Variants in SCAPER observed in about 807,000 individuals in gnomAD.
SCAPER encodes the protein S phase cyclin A-associated protein in the endoplasmic reticulum.
SCAPER carries 98 observed loss-of-function variants against 182.2 expected under a neutral mutation model. The observed-to-expected ratio is 0.54, with a 90% confidence interval of 0.46 to 0.64. The LOEUF is 0.64. SCAPER is among the 30% of genes least tolerant of loss of function. SCAPER has a pLI of 0.00. For missense variants in SCAPER, 1,432 were observed against 1,690.0 expected (o/e 0.85, Z 2.68); for synonymous variants, 605 against 564.6 (o/e 1.07, Z -1.01).
chr15:76,500,840 G>C (rs1438440227), intron 24 of SCAPER, among the ~76,000 whole-genome samples: 4 of 151,936 alleles, frequency 2.6e-5, no homozygotes, highest in African/African-American at 9.7e-5. Context: ...AGGAGTTTGA[G>C]ACCATCCTGG....
At chr15:76,357,599 A>G (rs867655676) in intron 29 of SCAPER, among the ~76,000 whole-genome samples, 2 of 152,238 alleles carry the variant, frequency 1.3e-5, no homozygotes, top group East Asian at 3.8e-4. Context: ...TACCCAAAGG[A>G]AAATAAATCA....
chr15:76,799,955 A>C (rs1282752621), intron 7 of SCAPER, among the ~76,000 whole-genome samples: 2 of 151,662 alleles, frequency 1.3e-5, no homozygotes, highest in Non-Finnish European at 2.9e-5. Context: ...TGCTTTACCT[A>C]ACTTGTGCAA....
chr15:76,546,764 C>T (rs897363585), intron 23 of SCAPER, among the ~76,000 whole-genome samples: 7 of 152,058 alleles, frequency 4.6e-5, no homozygotes, highest in Non-Finnish European at 1.0e-4. Context: ...ACTTCTAGAA[C>T]TTAAGTTTTA....
chr15:76,573,033 A>G (rs1009262777), intron 23 of SCAPER, among the ~76,000 whole-genome samples: 1 of 152,230 alleles, frequency 6.6e-6, no homozygotes, highest in Non-Finnish European at 1.5e-5. Flanking sequence ...AGTGACAAAC[A>G]GCTATATTTA....
chr15:76,638,415 G>A (rs2053825383), intron 21 of SCAPER, among the ~76,000 whole-genome samples: 1 of 152,108 alleles, frequency 6.6e-6, no homozygotes, highest in Admixed American at 6.5e-5. Context: ...AGACATGGCA[G>A]TGGCAGACAC....
Position 76,471,225 on chromosome 15 carries a change from A to G in SCAPER, c.3065T>C (p.Ile1022Thr), listed in dbSNP as rs780523439. 1.1e-5 allele frequency: 17 copies of G among 1,610,110 alleles called. No homozygotes were observed. The Admixed American group carries it at 2.9e-4, about 27-fold the overall frequency. ...AATATTACATACCGTCAACTGGTGT[A>G]TCAGGAGGTCCATTAAGAAGGTAAT... is the stretch of plus-strand genomic sequence containing the variant. Reference protein sequence around the residue: ...NKITFLMDLLIHQLTVYVPDE... With the variant: ...NKITFLMDLLTHQLTVYVPDE... Residue 1022 changes from isoleucine to threonine, a missense_variant, in exon 25 of 32, where the codon ATA (isoleucine) becomes ACA (threonine). By Grantham distance (89) the Ile-to-Thr change is moderately conservative (BLOSUM62 -1). Transcript: ENST00000563290.
At chr15:76,714,534 G>GGTA (rs35883569) in intron 17 of SCAPER, among the ~76,000 whole-genome samples, 2,844 of 149,468 alleles carry the variant, frequency 0.019, 22 homozygotes, top group African/African-American at 0.028. Flanking sequence ...TAGTAGTAGT[G>GGTA]GTAGTAGTAG....
At chr15:76,556,773 G>GA (rs2046229367) in intron 23 of SCAPER, among the ~76,000 whole-genome samples, 2 of 151,914 alleles carry the variant, frequency 1.3e-5, no homozygotes, top group Non-Finnish European at 2.9e-5. Context: ...TCAGGCATGA[G>GA]AAAAAAATAA....
At chr15:76,904,817 T>G (rs1325752711) in intron 1 of SCAPER, 2 of 152,272 alleles carry the variant, frequency 1.3e-5, no homozygotes, top group Non-Finnish European at 2.9e-5. Context: ...AGGGAAAGCA[T>G]GGTAAACCCC....
rs573731222 is a variant in SCAPER at position 76,600,537 on chromosome 15, C to T, written c.2711+21227G>A. On this transcript the variant is annotated intron_variant, in intron 22 of 31. Transcript: ENST00000563290. ...CCATCTCTACCCACTGCAACCTCCG[C>T]CTCCCAGGTTCAAGCAATTATCCTG... Among the ~76,000 whole-genome samples, 131 of 114,708 alleles carry T rather than the reference C, an allele frequency of 1.1e-3. 15 individuals carry two copies. Among genetic ancestry groups the T allele is most frequent in the Middle Eastern group, 5.0e-3 (1 of 200 alleles). 75.3% of individuals were successfully genotyped at this position (114,708 alleles called of 152,430 possible).
chr15:76,471,390 A>T, intron 24 of SCAPER, 55 bp from the exon 25 acceptor site: 1 of 1,524,888 alleles, frequency 6.6e-7, no homozygotes, highest in Non-Finnish European at 8.8e-7. Flanking sequence ...TTCTTTAAAC[A>T]ATTAAAAATA....
chr15:76,550,335 T>A (rs2045651690), intron 23 of SCAPER, among the ~76,000 whole-genome samples: 1 of 152,198 alleles, frequency 6.6e-6, no homozygotes, highest in South Asian at 2.1e-4. Flanking sequence ...CTATTTATCC[T>A]GATGCTCTCC....
intron 23 of SCAPER, among the ~76,000 whole-genome samples, chr15:76,543,131 G>C (rs2144783785): frequency 6.6e-6 from 1 of 152,224 alleles, no homozygotes; most frequent in East Asian, 1.9e-4. Context: ...ACAATCACAT[G>C]TAGACATTTT....
At chr15:76,586,856 G>A (rs1012605726) in intron 22 of SCAPER, among the ~76,000 whole-genome samples, 1 of 151,804 alleles carries the variant, frequency 6.6e-6, no homozygotes, top group Non-Finnish European at 1.5e-5. Context: ...TCTATCTCGT[G>A]GAATAGTGTC....
Position 76,381,360 on chromosome 15 carries a change from T to C in SCAPER, c.3705+18A>G, listed in dbSNP as rs1331123986. 1 of 1,595,704 alleles carries C rather than the reference T, an allele frequency of 6.3e-7. No homozygotes were observed. Among genetic ancestry groups the C allele is most frequent in the Non-Finnish European group, 8.6e-7 (1 of 1,167,026 alleles). The stretch of plus-strand genomic sequence containing the variant: ...AACTCTTGATTGGTTAACATCGATA[T>C]AAACCAATACTTGGTACCTGAAAAG... On this transcript the variant is annotated intron_variant, in intron 28 of 31. Coordinates refer to ENST00000563290, the MANE Select transcript of SCAPER (RefSeq NM_020843.4).
chr15:76,607,490 G>A (rs2050542496), intron 22 of SCAPER, among the ~76,000 whole-genome samples: 1 of 152,050 alleles, frequency 6.6e-6, no homozygotes, highest in African/African-American at 2.4e-5. Flanking sequence ...TGACAATTTT[G>A]TGTCTTGGAG....
At chr15:76,884,217 T>C (rs761630535) in intron 1 of SCAPER, among the ~76,000 whole-genome samples, 7 of 152,226 alleles carry the variant, frequency 4.6e-5, no homozygotes, top group Non-Finnish European at 8.8e-5. Flanking sequence ...GAATTAAAAA[T>C]TTTGTAAAGT....
intron 27 of SCAPER, among the ~76,000 whole-genome samples, chr15:76,402,283 A>T (rs1336507268): frequency 6.6e-6 from 1 of 152,112 alleles, no homozygotes; most frequent in Non-Finnish European, 1.5e-5. Flanking sequence ...ATTATCTACC[A>T]ATTTATTAAC....
chr15:76,556,018 A>T (rs1021032277), intron 23 of SCAPER, among the ~76,000 whole-genome samples: 2 of 152,170 alleles, frequency 1.3e-5, no homozygotes, highest in African/African-American at 4.8e-5. Flanking sequence ...AAATCCCAAA[A>T]TCATACTGAC....
Sources: allele counts gnomAD v4.1 joint callset (sites outside exome capture counted in the v4.1 genomes callset), GRCh38; gene constraint gnomAD v4.1.1; transcripts MANE v1.5; gene names NCBI Gene and HGNC (gene_info 2026-07-23, HGNC 2026-07-21).